DYSF: variants seen among roughly 807,000 people sequenced by gnomAD.
DYSF encodes the protein dysferlin.
In DYSF, 212 loss-of-function variants were observed where a neutral mutation model predicts 274.9. That is an observed-to-expected ratio of 0.77 (90% CI 0.69 to 0.86). The LOEUF (loss-of-function observed/expected upper bound fraction) is 0.86, where lower values mean the gene tolerates loss of function less well. DYSF is among the 40% of genes least tolerant of loss of function. The probability of loss-of-function intolerance (pLI) is 0.00; values close to 1 mark genes in which losing one functional copy is unlikely to be tolerated. For missense variants in DYSF, 2,666 were observed against 2,783.2 expected (o/e 0.96, Z 0.95); for synonymous variants, 1,091 against 1,078.7 (o/e 1.01, Z -0.22).
At chr2:71,592,647 C>T (rs1056525173) in intron 32 of DYSF, among the ~76,000 whole-genome samples, 2 of 152,242 alleles carry the variant, frequency 1.3e-5, no homozygotes, top group Non-Finnish European at 2.9e-5. Context: ...GGCACAGTGT[C>T]TGTCACTGGT....
At chr2:71,608,564 G>T (rs371142120) in intron 36 of DYSF, among the ~76,000 whole-genome samples, 3 of 152,212 alleles carry the variant, frequency 2.0e-5, no homozygotes, top group Non-Finnish European at 2.9e-5. Flanking sequence ...CGCTGGGCCC[G>T]ACGCTCCGCA....
At chr2:71,462,220 T>G (rs1041109448), upstream of DYSF, among the ~76,000 whole-genome samples, 3 of 152,192 alleles carry the variant, frequency 2.0e-5, no homozygotes, top group Non-Finnish European at 2.9e-5. Flanking sequence ...GTCCAGCCAC[T>G]GCGCACAGCC....
At chr2:71,675,566 C>T (rs1012037096) in intron 52 of DYSF, among the ~76,000 whole-genome samples, 3 of 152,212 alleles carry the variant, frequency 2.0e-5, no homozygotes, top group Non-Finnish European at 4.4e-5. Context: ...CCGCCCTGCG[C>T]ACCTGGCCTG....
At chr2:71,619,573 C>T (rs2094041849) in intron 40 of DYSF, among the ~76,000 whole-genome samples, 1 of 152,178 alleles carries the variant, frequency 6.6e-6, no homozygotes, top group Non-Finnish European at 1.5e-5. Context: ...CCTCCCAGAG[C>T]CCCCTGCTCA....
chr2:71,644,074 T>C lies in DYSF; in HGVS notation c.4626+11T>C, dbSNP rs760395487. Reference sequence around the variant, plus strand: ...TTTGACACCCTGAAGGTAAGGCCTCTCTTCAGTCTGACAGTCGGTGTGTGT... The same window carrying C: ...TTTGACACCCTGAAGGTAAGGCCTCCCTTCAGTCTGACAGTCGGTGTGTGT... On this transcript the variant is annotated intron_variant, in intron 42 of 55. Coordinates refer to ENST00000410020, the MANE Select transcript of DYSF (RefSeq NM_001130987.2). The C allele has an allele frequency of 6.2e-7, 1 of 1,603,548 alleles. No individual in the cohort carries two copies. The highest frequency in any genetic ancestry group is 8.5e-7 in the Non-Finnish European group (1 of 1,173,730).
rs147781212 is a variant in DYSF, at chr2:71,645,834, A to C, written c.4626+1771A>C. Among the ~76,000 whole-genome samples, 274 of 152,244 alleles carry C rather than the reference A, an allele frequency of 1.8e-3. 1 individual carries two copies. The highest frequency in any genetic ancestry group is 6.3e-3 in the African/African-American group (260 of 41,542). On this transcript the variant is annotated intron_variant, in intron 42 of 55. Coordinates refer to ENST00000410020, the MANE Select transcript of DYSF (RefSeq NM_001130987.2). ...AAATGGGGGAGACTCTGTACCCCGC[A>C]ATTACCTCCCAGGCTTGGAGAGGAG...
intron 3 of DYSF, among the ~76,000 whole-genome samples, chr2:71,498,861 T>TTATAATTTTG (rs2084688519): frequency 6.6e-6 from 1 of 152,358 alleles, no homozygotes; most frequent in African/African-American, 2.4e-5. Flanking sequence ...AAAGCCGGTT[T>TTATAATTTTG]CATTAATAGG....
chr2:71,494,371 G>T (rs2084173793), intron 3 of DYSF, among the ~76,000 whole-genome samples: 1 of 152,158 alleles, frequency 6.6e-6, no homozygotes, highest in Non-Finnish European at 1.5e-5. Context: ...ACCTGGTCAA[G>T]GTGTTGTCTG....
At chr2:71,612,467 C>T (rs984684997) in intron 38 of DYSF, among the ~76,000 whole-genome samples, 174 bp from the exon 39 acceptor site, 19 of 152,156 alleles carry the variant, frequency 1.2e-4, no homozygotes, top group African/African-American at 4.1e-4. Flanking sequence ...TTCAAGGGGC[C>T]GACAGAAAAG....
intron 41 of DYSF, among the ~76,000 whole-genome samples, chr2:71,621,851 G>C (rs931363394): frequency 6.6e-6 from 1 of 151,972 alleles, no homozygotes; most frequent in Non-Finnish European, 1.5e-5. Flanking sequence ...AGTAGAGACG[G>C]GGTTTCACCA....
chr2:71,632,223 A>G (rs1455545121), intron 41 of DYSF, among the ~76,000 whole-genome samples: 2 of 152,218 alleles, frequency 1.3e-5, no homozygotes, highest in African/African-American at 4.8e-5. Flanking sequence ...GCTGCTGAGC[A>G]CAAGACTCCC....
At chr2:71,553,986 C>A in intron 21 of DYSF, 55 bp downstream of exon 21, 15 of 1,612,552 alleles carry the variant, frequency 9.3e-6, no homozygotes, top group Admixed American at 1.7e-5. Flanking sequence ...CTGCTACCCC[C>A]GCTGCATGGG....
chr2:71,511,765 G>GTGCAGTGGTCCGAT, intron 4 of DYSF, 42 bp from the exon 5 acceptor site: 1 of 1,230,908 alleles, frequency 8.1e-7, no homozygotes, highest in African/African-American at 1.5e-5. Flanking sequence ...AGTGGTCCGA[G>GTGCAGTGGTCCGAT]GCCAGCGCAC....
At chr2:71,568,468 C>A (rs959465923) in intron 26 of DYSF, 130 bp downstream of exon 26, 1 of 1,235,934 alleles carries the variant, frequency 8.1e-7, no homozygotes, top group Non-Finnish European at 1.1e-6. Context: ...ATAGGAACTT[C>A]CGCTGAACTC....
intron 22 of DYSF, 36 bp downstream of exon 22, chr2:71,556,107 C>CCTGGCTCAA: frequency 1.3e-6 from 2 of 1,512,346 alleles, no homozygotes; most frequent in Non-Finnish European, 1.8e-6. Flanking sequence ...GCCCACCTCT[C>CCTGGCTCAA]CTGGCTCAAC....
At position 71,505,525 on chromosome 2, in the gene DYSF, C is replaced by T. The variant is rs116698313; in HGVS notation, c.345+2206C>T. Reference sequence around the variant, plus strand: ...GCGTGGGGGAGGCCGGGAGTCCTGCCGCAGGCTGACTGCAGACCCCGTTTG... The same window carrying T: ...GCGTGGGGGAGGCCGGGAGTCCTGCTGCAGGCTGACTGCAGACCCCGTTTG... On this transcript the variant is annotated intron_variant, in intron 4 of 55. Transcript: ENST00000410020. Among the ~76,000 whole-genome samples the T allele has an allele frequency of 5.5e-3, 841 of 152,326 alleles. 9 individuals are homozygous for T. Among genetic ancestry groups the T allele is most frequent in the African/African-American group, 0.019 (805 of 41,580 alleles).
chr2:71,516,193 A>T lies in DYSF; in HGVS notation c.902A>T (p.Asn301Ile), dbSNP rs774059957. The T allele has an allele frequency of 1.2e-6, 2 of 1,613,872 alleles. No individual in the cohort carries two copies. Among genetic ancestry groups the T allele is most frequent in the Non-Finnish European group, 1.7e-6 (2 of 1,180,014 alleles). The change falls in exon 9 of 56, where the codon AAC becomes ATC. Residue 301 changes from asparagine (N) to isoleucine (I), a missense_variant. Physicochemically the swap from Asn to Ile is moderately radical, Grantham distance 149 (BLOSUM62 -3). This residue lies in a region of DYSF where 794 missense variants were observed against 777.1 expected (regional missense o/e 1.02). Coordinates refer to ENST00000410020, the MANE Select transcript of DYSF (RefSeq NM_001130987.2). ...CTGAACCAACAGACTCTTTTCTTCAACTTGTTTGACTCTCCTGGGGAGCTG... is the reference window on the plus strand; with the variant it reads ...CTGAACCAACAGACTCTTTTCTTCATCTTGTTTGACTCTCCTGGGGAGCTG... ...SPLFNETLFF[N>I]LFDSPGELFD...
intron 14 of DYSF, 60 bp from the exon 15 acceptor site, chr2:71,534,961 C>G: frequency 6.3e-7 from 1 of 1,583,334 alleles, no homozygotes; most frequent in Non-Finnish European, 8.7e-7. Flanking sequence ...CATGTGGCCC[C>G]GGGGGAGCCC....
chr2:71,620,300 C>T (rs2094064126), intron 40 of DYSF, among the ~76,000 whole-genome samples: 3 of 152,216 alleles, frequency 2.0e-5, no homozygotes, highest in African/African-American at 7.2e-5. Context: ...CTCACTGTCG[C>T]CCTGTGAGGT....
Sources: gnomAD v4.1 joint callset for allele counts (sites outside exome capture counted in the v4.1 genomes callset) on GRCh38, gnomAD v4.1.1 for gene constraint, gnomAD v4.1.1 regional missense constraint, MANE v1.5 for transcripts, NCBI Gene and HGNC (gene_info 2026-07-23, HGNC 2026-07-21) for gene names.